The following MEI4 variants were observed in gnomAD, a reference collection of about 807,000 sequenced individuals.
MEI4 encodes the protein meiosis-specific protein MEI4.
In MEI4, 27 loss-of-function variants were observed where a neutral mutation model predicts 31.4. That is an observed-to-expected ratio of 0.86 (90% CI 0.63 to 1.19). The LOEUF (loss-of-function observed/expected upper bound fraction) is 1.19, where lower values mean the gene tolerates loss of function less well. Among genes scored for constraint, MEI4 ranks in the 50% most tolerant of loss-of-function variants. The pLI, the probability that MEI4 is intolerant of heterozygous loss-of-function variation, is 0.00. For synonymous variants in MEI4, 122 were observed against 145.4 expected (o/e 0.84, Z 1.16); for missense variants, 329 against 398.9 (o/e 0.82, Z 1.49).
At chr6:77,685,935 A>G (rs1769046427) in intron 1 of MEI4, among the ~76,000 whole-genome samples, 1 of 152,138 alleles carries the variant, frequency 6.6e-6, no homozygotes, top group Non-Finnish European at 1.5e-5. Flanking sequence ...GTGATCTTCA[A>G]GATTACAGGT....
rs184473703 is a variant in MEI4 at position 77,913,148 on chromosome 6, G to A, written c.901-9941G>A. Among the ~76,000 whole-genome samples, 181 of 152,160 alleles carry A rather than the reference G, an allele frequency of 1.2e-3. 1 individual carries two copies. The highest frequency in any genetic ancestry group is 2.3e-3 in the Non-Finnish European group (157 of 67,984). On this transcript the variant is annotated intron_variant, in intron 4 of 4. Coordinates refer to ENST00000684080, the MANE Select transcript of MEI4 (RefSeq NM_001322247.2). ...TTTCTGGGATGAATTCTACTTGATCGCAGTGTATTTTCCTTTTGATGCGCT... is the reference window on the plus strand; with the variant it reads ...TTTCTGGGATGAATTCTACTTGATCACAGTGTATTTTCCTTTTGATGCGCT...
chr6:77,831,927 T>C (rs1445005766), intron 4 of MEI4, among the ~76,000 whole-genome samples: 3 of 152,050 alleles, frequency 2.0e-5, no homozygotes, highest in Non-Finnish European at 1.5e-5. Context: ...AATTGTAATG[T>C]TTCCAACATA....
At chr6:77,698,601 T>G (rs1303064532) in intron 2 of MEI4, among the ~76,000 whole-genome samples, 1 of 152,222 alleles carries the variant, frequency 6.6e-6, no homozygotes, top group Non-Finnish European at 1.5e-5. Context: ...TGGCCCCCAC[T>G]CTCTTCTGGC....
rs906652964 is a variant in MEI4 at position 77,690,855 on chromosome 6, C to T, written c.184C>T (p.Arg62Cys). ...EILEAEVMQL[R>C]QKLLVSRLCS... The stretch of plus-strand genomic sequence containing the variant: ...CTTGGAAGCTGAAGTTATGCAATTA[C>T]GTCAAAAACTTCTTGTGAGCAGGCT... Residue 62 changes from arginine (R) to cysteine (C), a missense_variant, in exon 2 of 5, where the codon CGT (arginine) becomes TGT (cysteine). Transcript: ENST00000684080. 24 of 1,231,182 alleles carry T rather than the reference C, an allele frequency of 1.9e-5. No individual in the cohort carries two copies. The highest frequency in any genetic ancestry group is 1.2e-4 in the South Asian group (3 of 24,310). 76.3% of individuals were successfully genotyped at this position (1,231,182 alleles called of 1,614,324 possible).
chr6:77,822,960 T>G (rs1769861981), intron 3 of MEI4, among the ~76,000 whole-genome samples: 1 of 152,172 alleles, frequency 6.6e-6, no homozygotes, highest in African/African-American at 2.4e-5. Context: ...ATTTTATTTT[T>G]TATTGAATTC....
intron 2 of MEI4, among the ~76,000 whole-genome samples, chr6:77,732,755 G>A (rs1767047340): frequency 6.6e-6 from 1 of 152,124 alleles, no homozygotes. Context: ...TATGATATTG[G>A]CTGTGGGTTT....
In MEI4 at chr6:77,882,814, A is replaced by G. The variant is rs138558587; in HGVS notation, c.901-40275A>G. On this transcript the variant is annotated intron_variant, in intron 4 of 4. Coordinates refer to ENST00000684080, the MANE Select transcript of MEI4 (RefSeq NM_001322247.2). The stretch of plus-strand genomic sequence containing the variant: ...AATGTCATTTTTATATCAAATCCAG[A>G]CAATATATTGGGACGTTAATTTGAA... 2.8e-4 allele frequency among the ~76,000 whole-genome samples: 42 copies of G among 152,302 alleles called. No individual in the cohort carries two copies. The East Asian group carries it at 7.9e-3, about 29-fold the overall frequency.
upstream of MEI4, among the ~76,000 whole-genome samples, chr6:77,650,277 G>A (rs531180364): frequency 2.2e-4 from 34 of 152,328 alleles, no homozygotes; most frequent in Middle Eastern, 6.8e-3. Flanking sequence ...TAGAGCTGGA[G>A]TTATTTTCTC....
At chr6:77,695,177 G>A (rs1183974670) in intron 2 of MEI4, among the ~76,000 whole-genome samples, 3 of 152,114 alleles carry the variant, frequency 2.0e-5, no homozygotes, top group African/African-American at 7.2e-5. Flanking sequence ...TTTGTCAGAT[G>A]AGTAGGTTGC....
At chr6:77,758,579 T>C (rs1358085928) in intron 2 of MEI4, among the ~76,000 whole-genome samples, 11 of 152,184 alleles carry the variant, frequency 7.2e-5, no homozygotes, top group Admixed American at 7.2e-4. Context: ...AGGTGAAATC[T>C]CCTTTAATTT....
chr6:77,664,228 T>G (rs1167247619), intron 1 of MEI4, among the ~76,000 whole-genome samples: 1 of 152,130 alleles, frequency 6.6e-6, no homozygotes, highest in African/African-American at 2.4e-5. Context: ...TTTTGGAGTT[T>G]TATTTAATGT....
chr6:77,672,506 C>T (rs1451013611), intron 1 of MEI4, among the ~76,000 whole-genome samples: 7 of 152,150 alleles, frequency 4.6e-5, no homozygotes, highest in Admixed American at 2.0e-4. Context: ...AGAATAATGA[C>T]CAGATTAATG....
At chr6:77,722,378 G>GGCCACTGATTTA (rs1766729702) in intron 2 of MEI4, among the ~76,000 whole-genome samples, 1 of 140,934 alleles carries the variant, frequency 7.1e-6, no homozygotes, top group African/African-American at 2.6e-5. Flanking sequence ...TTTTGGTAGC[G>GGCCACTGATTTA]GCCACTGATT....
chr6:77,742,978 A>G (rs1028788723), intron 2 of MEI4, among the ~76,000 whole-genome samples: 7 of 151,982 alleles, frequency 4.6e-5, no homozygotes, highest in Non-Finnish European at 7.3e-5. Flanking sequence ...CCATTGATCT[A>G]TATCTCTGTT....
At position 77,761,683 on chromosome 6, in the gene MEI4, C is replaced by T. The variant is rs532875884; in HGVS notation, c.768+18C>T. 70 of 1,215,684 alleles carry T rather than the reference C, an allele frequency of 5.8e-5. No homozygotes were observed. The African/African-American group carries it at 1.0e-3, about 18-fold the overall frequency. 75.3% of individuals were successfully genotyped at this position (1,215,684 alleles called of 1,614,324 possible). ...TAAATCAGGTGAGTAATAAATCCCT[C>T]TTTTATTCCTAAAATGCTAGTAATT... On this transcript the variant is annotated intron_variant, in intron 3 of 4. Transcript: ENST00000684080.
intron 4 of MEI4, among the ~76,000 whole-genome samples, chr6:77,892,939 C>T (rs960110268): frequency 6.6e-6 from 1 of 151,066 alleles, no homozygotes; most frequent in Non-Finnish European, 1.5e-5. Flanking sequence ...ACATGCTAGT[C>T]TCAGGGCCCA....
chr6:77,752,625 A>G (rs1382716738), intron 2 of MEI4, among the ~76,000 whole-genome samples: 1 of 152,216 alleles, frequency 6.6e-6, no homozygotes, highest in Non-Finnish European at 1.5e-5. Context: ...AAACAAATAG[A>G]AAAACTTTCC....
intron 2 of MEI4, among the ~76,000 whole-genome samples, chr6:77,723,081 AAT>A (rs1766749297): frequency 6.9e-6 from 1 of 143,950 alleles, no homozygotes; most frequent in Admixed American, 6.9e-5. Context: ...TAACCAACTG[AAT>A]TTCGCCTTTA....
chr6:77,728,490 A>G (rs546402716), intron 2 of MEI4, among the ~76,000 whole-genome samples: 1 of 152,356 alleles, frequency 6.6e-6, no homozygotes, highest in South Asian at 2.1e-4. Context: ...CAGGAACAAG[A>G]CAAAAGTAAT....
Sources: allele counts gnomAD v4.1 joint callset (sites outside exome capture counted in the v4.1 genomes callset), GRCh38; gene constraint gnomAD v4.1.1; transcripts MANE v1.5; gene names NCBI Gene and HGNC (gene_info 2026-07-23, HGNC 2026-07-21).